The following TM4SF4 variants were observed in gnomAD, a reference collection of about 807,000 sequenced individuals.
TM4SF4 encodes the protein transmembrane 4 L6 family member 4.
TM4SF4 carries 24 observed loss-of-function variants against 24.1 expected under a neutral mutation model. The observed-to-expected ratio is 1.00, with a 90% CI of 0.72 to 1.40. The LOEUF is 1.40. Among genes scored for constraint, TM4SF4 ranks in the 40% most tolerant of loss-of-function variants. TM4SF4 has a pLI of 0.00. For missense variants in TM4SF4, 254 were observed against 254.2 expected, an observed-to-expected ratio of 1.00 and a Z score of 0.01; for synonymous variants, 113 against 97.0, an observed-to-expected ratio of 1.17 and a Z score of -0.97.
intron 2 of TM4SF4, among the ~76,000 whole-genome samples, chr3:149,487,271 G>A (rs967491181): frequency 1.7e-4 from 26 of 152,154 alleles, no homozygotes; most frequent in Middle Eastern, 3.4e-3. Flanking sequence ...AAAAGATTAC[G>A]CCAATCCTAA....
chr3:149,491,382 T>C (rs1026144138), intron 3 of TM4SF4, among the ~76,000 whole-genome samples: 3 of 151,862 alleles, frequency 2.0e-5, no homozygotes, highest in African/African-American at 7.3e-5. Context: ...GGGAGGATCG[T>C]TTGGGCCCAG....
chr3:149,496,236 G>T (rs67662617), intron 3 of TM4SF4, among the ~76,000 whole-genome samples: 12,943 of 151,806 alleles, frequency 0.085, 1,079 homozygotes, highest in East Asian at 0.43. Flanking sequence ...TCGAGATGGG[G>T]TCTCACTCTG....
chr3:149,500,511 C>A (rs1016957201), intron 4 of TM4SF4, among the ~76,000 whole-genome samples: 1 of 152,014 alleles, frequency 6.6e-6, no homozygotes, highest in African/African-American at 2.4e-5. Context: ...ATGTTTTGGT[C>A]TTTAAACATA....
At chr3:149,483,009 T>C (rs1734061687) in intron 2 of TM4SF4, among the ~76,000 whole-genome samples, 1 of 152,236 alleles carries the variant, frequency 6.6e-6, no homozygotes, top group Admixed American at 6.5e-5. Flanking sequence ...AGCATGTATC[T>C]TTCTTCCTGT....
At chr3:149,493,660 T>C (rs1445679251) in intron 3 of TM4SF4, among the ~76,000 whole-genome samples, 1 of 152,244 alleles carries the variant, frequency 6.6e-6, no homozygotes, top group Non-Finnish European at 1.5e-5. Context: ...CTGCCTGTGC[T>C]GGAACTGGGG....
Position 149,498,793 on chromosome 3 carries a change from C to A in TM4SF4, c.473C>A (p.Thr158Asn). ...EPLNVVPWNL[T>N]LFSILLVVGG... ...CTCAATGTGGTTCCCTGGAATCTGA[C>A]CCTCTTCTCCATCCTGCTGGTCGTA... The change falls in exon 4 of 5, where the codon ACC (threonine) becomes AAC (asparagine). Residue 158 changes from threonine (T) to asparagine (N), a missense_variant. Physicochemically the swap from Thr to Asn is moderately conservative, Grantham distance 65 (BLOSUM62 0). Coordinates refer to ENST00000305354, the MANE Select transcript of TM4SF4 (RefSeq NM_004617.4). The A allele has an allele frequency of 1.2e-6, 2 of 1,614,008 alleles. No individual in the cohort carries two copies. The highest frequency in any genetic ancestry group is 1.7e-6 in the Non-Finnish European group (2 of 1,179,884).
rs766524260 is a variant in TM4SF4 at position 149,498,783 on chromosome 3, T to C, written c.463T>C (p.Trp155Arg). 1.2e-6 allele frequency: 2 copies of C among 1,613,912 alleles called. No homozygotes were observed. Among genetic ancestry groups the C allele is most frequent in the East Asian group, 2.2e-5 (1 of 44,886 alleles). ...KCREPLNVVPWNLTLFSILLV... is the reference protein window; with the variant it reads ...KCREPLNVVPRNLTLFSILLV... ...CCGAGAGCCTCTCAATGTGGTTCCCTGGAATCTGACCCTCTTCTCCATCCT... is the reference window on the plus strand; with the variant it reads ...CCGAGAGCCTCTCAATGTGGTTCCCCGGAATCTGACCCTCTTCTCCATCCT... The change falls in exon 4 of 5, where the codon TGG (tryptophan) becomes CGG (arginine). Residue 155 changes from tryptophan to arginine, a missense_variant. Transcript: ENST00000305354.
chr3:149,485,497 T>C (rs1734099782), intron 2 of TM4SF4, among the ~76,000 whole-genome samples: 1 of 152,238 alleles, frequency 6.6e-6, no homozygotes, highest in African/African-American at 2.4e-5. Flanking sequence ...AACAAGTCAT[T>C]ATCCAGTGCC....
At chr3:149,500,352 A>C (rs1283447954) in intron 4 of TM4SF4, among the ~76,000 whole-genome samples, 1 of 151,992 alleles carries the variant, frequency 6.6e-6, no homozygotes, top group African/African-American at 2.4e-5. Context: ...ATAGTATTAA[A>C]AAATTTTAAT....
In TM4SF4 at chr3:149,478,930, A is replaced by AT. The variant is rs745881135; in HGVS notation, c.264+3026dup. On this transcript the variant is annotated intron_variant, in intron 2 of 4. Transcript: ENST00000305354. ...AAGTGCTTGCCACCATGCTCGGCTAATTTTTTTTGTATTTTTGTTAGAGAC... is the reference window on the plus strand; with the variant it reads ...AAGTGCTTGCCACCATGCTCGGCTAATTTTTTTTTGTATTTTTGTTAGAGAC... Among the ~76,000 whole-genome samples the AT allele has an allele frequency of 7.1e-4, 108 of 151,694 alleles. 2 individuals carry two copies. The highest frequency in any genetic ancestry group is 2.4e-3 in the African/African-American group (98 of 41,326).
chr3:149,495,834 G>T, intron 3 of TM4SF4: 1 of 192,060 alleles, frequency 5.2e-6, no homozygotes, highest in Non-Finnish European at 1.1e-5. Flanking sequence ...TGGTTCCTGG[G>T]AAGCCCATGT....
rs535704725 is a variant in TM4SF4, at chr3:149,475,921, C to T, written c.264+9C>T. On this transcript the variant is annotated intron_variant, in intron 2 of 4. Coordinates refer to ENST00000305354, the MANE Select transcript of TM4SF4 (RefSeq NM_004617.4). ...GTGGGAAGCGATTTGCGGTGAGTTA[C>T]CATGGGGGGCAGCTACTAGAATTAC... 1.9e-4 allele frequency: 303 copies of T among 1,606,318 alleles called. No homozygotes were observed. The South Asian group carries it at 3.1e-3, about 16-fold the overall frequency.
intron 4 of TM4SF4, among the ~76,000 whole-genome samples, chr3:149,500,718 T>C (rs1734402354): frequency 6.6e-6 from 1 of 152,150 alleles, no homozygotes; most frequent in Non-Finnish European, 1.5e-5. Flanking sequence ...GAAAATATGA[T>C]TACTTTGGCT....
intron 3 of TM4SF4, chr3:149,495,375 C>T (rs574170556): frequency 1.3e-4 from 41 of 323,936 alleles, no homozygotes; most frequent in Admixed American, 4.0e-4. Context: ...CCGACAAGCC[C>T]TTGCATCTGC....
rs748350933 is a variant in TM4SF4 at position 149,475,922 on chromosome 3, C to T, written c.264+10C>T. 17 of 1,605,576 alleles carry T rather than the reference C, an allele frequency of 1.1e-5. No homozygotes were observed. Among genetic ancestry groups the T allele is most frequent in the Non-Finnish European group, 1.4e-5 (17 of 1,175,420 alleles). ...TGGGAAGCGATTTGCGGTGAGTTAC[C>T]ATGGGGGGCAGCTACTAGAATTACT... is the stretch of plus-strand genomic sequence containing the variant. On this transcript the variant is annotated intron_variant, in intron 2 of 4. Coordinates refer to ENST00000305354, the MANE Select transcript of TM4SF4 (RefSeq NM_004617.4).
At chr3:149,483,855 G>T (rs60248822) in intron 2 of TM4SF4, among the ~76,000 whole-genome samples, 2,092 of 151,838 alleles carry the variant, frequency 0.014, 48 homozygotes, top group African/African-American at 0.048. Flanking sequence ...ATCTCGGCTC[G>T]CTGCAACCCG....
At chr3:149,477,491 G>C (rs1162149144) in intron 2 of TM4SF4, among the ~76,000 whole-genome samples, 1 of 152,154 alleles carries the variant, frequency 6.6e-6, no homozygotes, top group African/African-American at 2.4e-5. Flanking sequence ...TCTGAAACAG[G>C]ATCCTTTTAA....
At chr3:149,501,018 T>G in intron 4 of TM4SF4, among the ~76,000 whole-genome samples, 1 of 63,632 alleles carries the variant, frequency 1.6e-5, no homozygotes, top group South Asian at 5.7e-4. Flanking sequence ...AACAAGACCT[T>G]TCCAAAAAAA....
Position 149,498,842 on chromosome 3 carries a change from C to G in TM4SF4, c.522C>G (p.Cys174Trp). 1 of 1,613,888 alleles carries G rather than the reference C, an allele frequency of 6.2e-7. No homozygotes were observed. Among genetic ancestry groups the G allele is most frequent in the Non-Finnish European group, 8.5e-7 (1 of 1,179,862 alleles). The change falls in exon 4 of 5, where the codon TGC (cysteine) becomes TGG (tryptophan). Residue 174 changes from cysteine (C) to tryptophan (W), a missense_variant. Cys to Trp is a radical substitution (Grantham distance 215, BLOSUM62 -2). Coordinates refer to ENST00000305354, the MANE Select transcript of TM4SF4 (RefSeq NM_004617.4). ...TAGGAGGAATCCAGATGGTTCTCTG[C>G]GCCATCCAGGTGGTCAATGGCCTCC... The part of the protein sequence containing the change: ...LVVGGIQMVL[C>W]AIQVVNGLLG...
Sources: allele counts gnomAD v4.1 joint callset (sites outside exome capture counted in the v4.1 genomes callset), GRCh38; gene constraint gnomAD v4.1.1; transcripts MANE v1.5; gene names NCBI Gene and HGNC (gene_info 2026-07-23, HGNC 2026-07-21).